The following ADAMTSL1 variants were observed in gnomAD, a reference collection of about 807,000 sequenced individuals.
The protein encoded by ADAMTSL1 is ADAMTS-like protein 1.
Under a neutral mutation model 201.8 loss-of-function variants are expected in ADAMTSL1, and 126 were observed. That is an observed-to-expected ratio of 0.62 (90% confidence interval 0.54 to 0.72). The LOEUF (loss-of-function observed/expected upper bound fraction) is 0.72. ADAMTSL1 is among the 30% of genes least tolerant of loss of function. The probability of loss-of-function intolerance (pLI) is 0.00; values close to 1 mark genes in which losing one functional copy is unlikely to be tolerated. For synonymous variants in ADAMTSL1, 1,121 were observed against 903.4 expected, an observed-to-expected ratio of 1.24 and a Z score of -4.32; for missense variants, 2,679 against 2,277.8, an observed-to-expected ratio of 1.18 and a Z score of -3.59.
At chr9:18,436,033 G>C (rs577947350) in intron 2 of ADAMTSL1, among the ~76,000 whole-genome samples, 49 of 152,282 alleles carry the variant, frequency 3.2e-4, no homozygotes, top group African/African-American at 1.1e-3. Context: ...TGTTTAAACA[G>C]ATAATTTTGC....
intron 12 of ADAMTSL1, 94 bp downstream of exon 12, chr9:18,682,053 T>C: frequency 7.6e-7 from 1 of 1,321,652 alleles, no homozygotes; most frequent in Non-Finnish European, 1.0e-6. Context: ...GTATCCCAAG[T>C]ATTCTTAGTA....
chr9:18,497,469 G>A (rs1405318910), intron 1 of ADAMTSL1, among the ~76,000 whole-genome samples: 4 of 152,032 alleles, frequency 2.6e-5, no homozygotes. Context: ...AGACTGACAG[G>A]CTATTTCTAG....
intron 1 of ADAMTSL1, among the ~76,000 whole-genome samples, chr9:18,475,388 G>A (rs910706932): frequency 2.0e-5 from 3 of 152,170 alleles, no homozygotes; most frequent in South Asian, 4.2e-4. Flanking sequence ...AAAGCCATTT[G>A]GTACAAACTG....
intron 2 of ADAMTSL1, among the ~76,000 whole-genome samples, chr9:18,414,576 G>T (rs547954516): frequency 3.9e-5 from 6 of 152,244 alleles, no homozygotes; most frequent in Admixed American, 6.5e-5. Flanking sequence ...AACAAATTAG[G>T]TAAGTCCTGC....
At chr9:18,128,188 A>G (rs1475766000) in intron 1 of ADAMTSL1, among the ~76,000 whole-genome samples, 1 of 152,204 alleles carries the variant, frequency 6.6e-6, no homozygotes, top group South Asian at 2.1e-4. Flanking sequence ...GGAGAATTCT[A>G]TTAGACTGTA....
chr9:18,334,965 C>T (rs922355608), intron 2 of ADAMTSL1, among the ~76,000 whole-genome samples: 2 of 152,042 alleles, frequency 1.3e-5, no homozygotes, highest in African/African-American at 4.8e-5. Flanking sequence ...AAGACAGAGC[C>T]TCATGCATGT....
intron 1 of ADAMTSL1, among the ~76,000 whole-genome samples, chr9:18,032,476 G>A (rs543289424): frequency 3.6e-4 from 55 of 152,142 alleles, no homozygotes; most frequent in Non-Finnish European, 6.2e-4. Context: ...ACCCTCCTGC[G>A]GGAGCAGCCA....
Position 18,467,982 on chromosome 9 carries a change from G to A in ADAMTSL1, c.208-36847G>A, listed in dbSNP as rs375379269. On this transcript the variant is annotated intron_variant, in intron 2 of 29. Transcript: ENST00000680146. ...TGTCATGGAAATAGAACTGAACTAG[G>A]AATTAGGGGCCTTGGATTTATGTAT... Among the ~76,000 whole-genome samples the A allele has an allele frequency of 2.1e-4, 32 of 152,262 alleles. No individual in the cohort carries two copies. In the East Asian group the frequency reaches 4.6e-3, roughly 22 times the overall value.
chr9:18,760,309 CCT>C (rs1820003370), intron 16 of ADAMTSL1, among the ~76,000 whole-genome samples: 2 of 152,140 alleles, frequency 1.3e-5, no homozygotes, highest in African/African-American at 4.8e-5. Context: ...CTCATCAAAC[CCT>C]TACAAACAGT....
intron 1 of ADAMTSL1, among the ~76,000 whole-genome samples, chr9:18,504,475 T>C (rs2131929539): frequency 6.6e-6 from 1 of 152,302 alleles, no homozygotes; most frequent in South Asian, 2.1e-4. Context: ...AGCAGCTTCT[T>C]TCCTTTCACT....
intron 2 of ADAMTSL1, among the ~76,000 whole-genome samples, chr9:18,236,728 A>T (rs1176470407): frequency 6.6e-6 from 1 of 152,256 alleles, no homozygotes; most frequent in Non-Finnish European, 1.5e-5. Flanking sequence ...AATCTTAGCT[A>T]TATTTTCAGC....
intron 1 of ADAMTSL1, among the ~76,000 whole-genome samples, chr9:18,073,224 G>T (rs1823043207): frequency 6.6e-6 from 1 of 152,114 alleles, no homozygotes; most frequent in Non-Finnish European, 1.5e-5. Flanking sequence ...CCCCCAAAGT[G>T]CATGACATAC....
chr9:18,229,764 T>TGGCTCACTGCAACCTC (rs1361890249), intron 2 of ADAMTSL1, among the ~76,000 whole-genome samples: 16 of 151,952 alleles, frequency 1.1e-4, no homozygotes, highest in Admixed American at 9.2e-4. Context: ...GTTGCGATCT[T>TGGCTCACTGCAACCTC]GGCTCACTGC....
At chr9:18,280,357 G>A (rs2132624686) in intron 2 of ADAMTSL1, among the ~76,000 whole-genome samples, 1 of 151,834 alleles carries the variant, frequency 6.6e-6, no homozygotes, top group South Asian at 2.1e-4. Flanking sequence ...GGGTAGGCCT[G>A]GAACCTGGAG....
intron 1 of ADAMTSL1, among the ~76,000 whole-genome samples, chr9:18,050,317 G>A (rs1402868352): frequency 6.6e-6 from 1 of 152,060 alleles, no homozygotes; most frequent in East Asian, 1.9e-4. Flanking sequence ...AAAGTAAATA[G>A]AGACTAATAA....
chr9:17,919,776 T>G (rs974582155), intron 1 of ADAMTSL1, among the ~76,000 whole-genome samples: 10 of 152,186 alleles, frequency 6.6e-5, no homozygotes, highest in African/African-American at 2.2e-4. Context: ...AATGCTGCTA[T>G]AAACATTTAT....
chr9:18,249,732 G>T (rs1831392337), intron 2 of ADAMTSL1, among the ~76,000 whole-genome samples: 1 of 152,100 alleles, frequency 6.6e-6, no homozygotes, highest in Non-Finnish European at 1.5e-5. Flanking sequence ...AGGTCTCAAG[G>T]CTCCTCATGT....
intron 1 of ADAMTSL1, among the ~76,000 whole-genome samples, chr9:18,134,642 C>T (rs1826081119): frequency 6.6e-6 from 1 of 152,158 alleles, no homozygotes; most frequent in South Asian, 2.1e-4. Flanking sequence ...ATGTAATGTA[C>T]TCAAAACTTG....
At chr9:18,790,535 T>C (rs1486334640) in intron 19 of ADAMTSL1, among the ~76,000 whole-genome samples, 2 of 152,138 alleles carry the variant, frequency 1.3e-5, no homozygotes, top group East Asian at 3.9e-4. Context: ...CACTACACAT[T>C]CCAAATGCAG....
Sources: gnomAD v4.1 joint callset for allele counts (sites outside exome capture counted in the v4.1 genomes callset) on GRCh38, gnomAD v4.1.1 for gene constraint, MANE v1.5 for transcripts, NCBI Gene and HGNC (gene_info 2026-07-23, HGNC 2026-07-21) for gene names.